Variants in AGMO observed in about 807,000 individuals in gnomAD.
AGMO encodes the protein glyceryl-ether monooxygenase.
AGMO carries 75 observed loss-of-function variants against 60.2 expected under a neutral mutation model. The ratio of observed to expected loss-of-function variants is 1.25; its 90% CI spans 1.03 to 1.51. The LOEUF is 1.51. AGMO is among the 40% of genes most tolerant of loss of function. The probability of loss-of-function intolerance (pLI) is 0.00; values close to 1 mark genes in which losing one functional copy is unlikely to be tolerated. For missense variants in AGMO, 763 were observed against 525.5 expected (o/e 1.45, Z -4.42); for synonymous variants, 261 against 177.1 (o/e 1.47, Z -3.76).
intron 3 of AGMO, among the ~76,000 whole-genome samples, chr7:15,499,405 G>C (rs1168435586): frequency 6.6e-6 from 1 of 151,854 alleles, no homozygotes; most frequent in East Asian, 1.9e-4. Flanking sequence ...ACTCTGATCA[G>C]AGATGTTCCA....
the AGMO span, among the ~76,000 whole-genome samples, chr7:15,182,142 T>C: frequency 0.37 from 56,881 of 152,008 alleles, 11,277 homozygotes; most frequent in Middle Eastern, 0.46. Flanking sequence ...ATGAGGTGCA[T>C]AGAGTCATCA....
intron 12 of AGMO, among the ~76,000 whole-genome samples, chr7:15,231,708 T>G (rs1044745774): frequency 2.6e-5 from 4 of 152,138 alleles, no homozygotes; most frequent in Admixed American, 1.3e-4. Flanking sequence ...ACTAAATTAT[T>G]TGTAAGGATA....
At chr7:15,161,445 G>GACAC in the AGMO span, among the ~76,000 whole-genome samples, 3 of 150,518 alleles carry the variant, frequency 2.0e-5, no homozygotes, top group South Asian at 2.1e-4. Flanking sequence ...TATATACACA[G>GACAC]ACACACACAC....
At chr7:15,496,827 A>G (rs1356626276) in intron 3 of AGMO, among the ~76,000 whole-genome samples, 1 of 152,132 alleles carries the variant, frequency 6.6e-6, no homozygotes, top group Non-Finnish European at 1.5e-5. Flanking sequence ...CTCACCCTGA[A>G]TATTCATTTG....
intron 12 of AGMO, among the ~76,000 whole-genome samples, chr7:15,352,521 T>C (rs1349543191): frequency 1.3e-5 from 2 of 151,582 alleles, no homozygotes; most frequent in African/African-American, 4.9e-5. Context: ...AACTGGGCGT[T>C]TGGGTGTTCA....
intron 10 of AGMO, among the ~76,000 whole-genome samples, chr7:15,367,166 G>C (rs918298110): frequency 6.6e-6 from 1 of 151,654 alleles, no homozygotes; most frequent in African/African-American, 2.4e-5. Flanking sequence ...CTGGTCTTTT[G>C]TACTTTTCTT....
chr7:15,434,493 G>A (rs1781343274), intron 3 of AGMO, among the ~76,000 whole-genome samples: 2 of 152,204 alleles, frequency 1.3e-5, no homozygotes, highest in Non-Finnish European at 2.9e-5. Context: ...TCTAAGAAAA[G>A]CTGGCTACCT....
intron 12 of AGMO, among the ~76,000 whole-genome samples, chr7:15,325,313 T>A (rs1384843543): frequency 6.6e-6 from 1 of 152,150 alleles, no homozygotes; most frequent in Non-Finnish European, 1.5e-5. Flanking sequence ...CTTTCACACA[T>A]ATCTAAATAA....
intron 10 of AGMO, among the ~76,000 whole-genome samples, chr7:15,380,740 A>G (rs1024597184): frequency 2.0e-5 from 3 of 152,204 alleles, no homozygotes; most frequent in African/African-American, 7.2e-5. Flanking sequence ...CCTAAGTAAA[A>G]AGAACAAAGC....
chr7:15,377,768 G>A (rs1783510248), intron 10 of AGMO, among the ~76,000 whole-genome samples: 1 of 151,878 alleles, frequency 6.6e-6, no homozygotes, highest in South Asian at 2.1e-4. Flanking sequence ...AGTTCTACTT[G>A]GGGAGAACAT....
downstream of AGMO, among the ~76,000 whole-genome samples, chr7:15,199,799 A>C (rs564746822): frequency 1.3e-5 from 2 of 152,340 alleles, no homozygotes; most frequent in African/African-American, 4.8e-5. Context: ...TAAATTAAGA[A>C]GTATAAAAAG....
At chr7:15,317,916 T>C (rs895966222) in intron 12 of AGMO, among the ~76,000 whole-genome samples, 3 of 145,356 alleles carry the variant, frequency 2.1e-5, no homozygotes, top group East Asian at 3.9e-4. Flanking sequence ...CGTATATATA[T>C]ATACACACAC....
intron 12 of AGMO, among the ~76,000 whole-genome samples, chr7:15,257,329 T>C (rs890780419): frequency 2.0e-5 from 3 of 152,166 alleles, no homozygotes; most frequent in Non-Finnish European, 4.4e-5. Context: ...ATACCTACTA[T>C]GGACATATTA....
In AGMO at chr7:15,460,106, C is replaced by CTTTTTTTTTTTTTTTTTTTTT. The variant is rs67388173; in HGVS notation, c.410-28999_410-28998insAAAAAAAAAAAAAAAAAAAAA. ...AAAGTAATTATTTACCCAATTTCCC[C>CTTTTTTTTTTTTTTTTTTTTT]TTTTTTTTTTGTTTTTTTGAGAAGG... is the stretch of plus-strand genomic sequence containing the variant. On this transcript the variant is annotated intron_variant, in intron 3 of 12. Transcript: ENST00000342526. 1.2e-4 allele frequency among the ~76,000 whole-genome samples: 15 copies of CTTTTTTTTTTTTTTTTTTTTT among 121,704 alleles called. 3 individuals carry two copies. The highest frequency in any genetic ancestry group is 2.2e-4 in the Non-Finnish European group (13 of 58,294). The allele number at this position is 121,704 out of a possible 152,430, so 79.8% of individuals were successfully genotyped here.
chr7:15,509,246 A>T (rs1204576270), intron 3 of AGMO, among the ~76,000 whole-genome samples: 1 of 152,180 alleles, frequency 6.6e-6, no homozygotes, highest in Non-Finnish European at 1.5e-5. Context: ...ATAGAACAGA[A>T]CACAGACCTC....
At chr7:15,406,824 G>A (rs552699381) in intron 5 of AGMO, among the ~76,000 whole-genome samples, 2 of 100,482 alleles carry the variant, frequency 2.0e-5, no homozygotes, top group African/African-American at 3.9e-5. Context: ...ATATACCCAC[G>A]TATACACATA....
chr7:15,534,260 T>C (rs1261490490), intron 3 of AGMO, among the ~76,000 whole-genome samples: 1 of 152,018 alleles, frequency 6.6e-6, no homozygotes, highest in South Asian at 2.1e-4. Flanking sequence ...ACAAAAGACA[T>C]TTTAAAATAT....
chr7:15,407,250 T>TATATATATATATATAC (rs1784730791), intron 5 of AGMO, among the ~76,000 whole-genome samples: 1 of 147,084 alleles, frequency 6.8e-6, no homozygotes, highest in Non-Finnish European at 1.5e-5. Flanking sequence ...TATATATATA[T>TATATATATATATATAC]GTATATACTT....
the AGMO span, among the ~76,000 whole-genome samples, chr7:15,143,783 T>C: frequency 6.6e-6 from 1 of 152,028 alleles, no homozygotes; most frequent in African/African-American, 2.4e-5. Flanking sequence ...CTTCATGTTT[T>C]CTTAGAATGG....
Sources: allele counts gnomAD v4.1 joint callset (sites outside exome capture counted in the v4.1 genomes callset), GRCh38; gene constraint gnomAD v4.1.1; transcripts MANE v1.5; gene names NCBI Gene and HGNC (gene_info 2026-07-23, HGNC 2026-07-21).